Variants in STK32B observed in about 807,000 individuals in gnomAD.
STK32B encodes serine/threonine-protein kinase 32B.
Under a neutral mutation model 52.6 loss-of-function variants are expected in STK32B, and 43 were observed. That is an observed-to-expected ratio of 0.82 (90% CI 0.64 to 1.05). The LOEUF is 1.05. STK32B is among the 50% of genes least tolerant of loss of function. STK32B has a pLI of 0.00. For synonymous variants in STK32B, 238 were observed against 204.3 expected, an observed-to-expected ratio of 1.17 and a Z score of -1.41; for missense variants, 621 against 534.6, an observed-to-expected ratio of 1.16 and a Z score of -1.59.
At position 5,499,138 on chromosome 4, in the gene STK32B, A is replaced by T. The variant is rs940340511; in HGVS notation, c.*55A>T. The T allele has an allele frequency of 6.5e-7, 1 of 1,534,020 alleles. No homozygotes were observed. The stretch of plus-strand genomic sequence containing the variant: ...GCACTCGTCTCTGCCCTGCCCACCC[A>T]GAGCCCCTCTTTGTGCCCTGATGGT... On this transcript the variant is annotated 3_prime_UTR_variant, in exon 12 of 12. Coordinates refer to ENST00000282908, the MANE Select transcript of STK32B (RefSeq NM_018401.3).
At chr4:5,418,504 T>C (rs574750121) in intron 6 of STK32B, among the ~76,000 whole-genome samples, 3 of 152,384 alleles carry the variant, frequency 2.0e-5, no homozygotes, top group African/African-American at 4.8e-5. Flanking sequence ...TTTCTTCCAA[T>C]GGTTACTGCT....
intron 1 of STK32B, among the ~76,000 whole-genome samples, chr4:5,083,762 A>T (rs1397047874): frequency 6.7e-6 from 1 of 148,760 alleles, no homozygotes; most frequent in African/African-American, 2.5e-5. Flanking sequence ...TTTGAGACAG[A>T]GTCTCACTCT....
intron 3 of STK32B, among the ~76,000 whole-genome samples, chr4:5,232,809 C>T (rs9884126): frequency 0.013 from 1,996 of 152,262 alleles, 28 homozygotes; most frequent in East Asian, 0.075. Flanking sequence ...TGCCCTGTGC[C>T]CCACACCAAT....
intron 2 of STK32B, among the ~76,000 whole-genome samples, chr4:5,147,467 A>G (rs1717001356): frequency 1.3e-5 from 2 of 152,062 alleles, no homozygotes; most frequent in African/African-American, 4.8e-5. Context: ...AATATTGAGG[A>G]GAAGTGGTGG....
intron 3 of STK32B, among the ~76,000 whole-genome samples, chr4:5,302,296 A>C (rs1341708357): frequency 6.6e-6 from 1 of 151,560 alleles, no homozygotes; most frequent in East Asian, 1.9e-4. Context: ...TTCTGTGTGT[A>C]TGTTTTCAGA....
chr4:5,119,273 G>A (rs1178173709), intron 1 of STK32B, among the ~76,000 whole-genome samples: 1 of 152,174 alleles, frequency 6.6e-6, no homozygotes, highest in Non-Finnish European at 1.5e-5. Flanking sequence ...GCCTTGTCCT[G>A]TGTGTGAAAT....
chr4:5,324,799 C>T (rs1445042460), intron 3 of STK32B, among the ~76,000 whole-genome samples: 3 of 152,140 alleles, frequency 2.0e-5, no homozygotes, highest in African/African-American at 7.2e-5. Context: ...TGTGGGTGAA[C>T]GTGTGGAATT....
chr4:5,122,648 C>CTCAT (rs1165546910), intron 1 of STK32B, among the ~76,000 whole-genome samples: 1 of 152,096 alleles, frequency 6.6e-6, no homozygotes, highest in Non-Finnish European at 1.5e-5. Context: ...CACTCATTTA[C>CTCAT]TCATTCATTC....
chr4:5,414,033 A>G (rs970490353), intron 5 of STK32B, among the ~76,000 whole-genome samples: 13 of 152,348 alleles, frequency 8.5e-5, no homozygotes, highest in East Asian at 7.7e-4. Flanking sequence ...CACATATTCT[A>G]TAGTAACAAG....
At chr4:5,490,444 G>T (rs553860045) in intron 11 of STK32B, among the ~76,000 whole-genome samples, 4 of 152,056 alleles carry the variant, frequency 2.6e-5, no homozygotes, top group Non-Finnish European at 5.9e-5. Flanking sequence ...ACCAAATTTG[G>T]GGTAAGGCAG....
chr4:5,341,192 T>C (rs749010310), intron 4 of STK32B, among the ~76,000 whole-genome samples: 3 of 152,214 alleles, frequency 2.0e-5, no homozygotes, highest in Non-Finnish European at 4.4e-5. Context: ...AAGGCACTGT[T>C]ACCATGGTGT....
At position 5,371,630 on chromosome 4, in the gene STK32B, C is replaced by T. The variant is rs555173694; in HGVS notation, c.435-26577C>T. On this transcript the variant is annotated intron_variant, in intron 4 of 11. Coordinates refer to ENST00000282908, the MANE Select transcript of STK32B (RefSeq NM_018401.3). ...GCTGGAATCCAGCCCTGGCTGTGCT[C>T]TGCGTGCCAAGCAAACATTTGCCAA... Among the ~76,000 whole-genome samples, 383 of 152,298 alleles carry T rather than the reference C, an allele frequency of 2.5e-3. 4 individuals are homozygous for T. The highest frequency in any genetic ancestry group is 7.2e-4 in the Non-Finnish European group (49 of 68,036).
chr4:5,302,737 C>G (rs1255551136), intron 3 of STK32B, among the ~76,000 whole-genome samples: 1 of 152,122 alleles, frequency 6.6e-6, no homozygotes, highest in Non-Finnish European at 1.5e-5. Context: ...GATGTGTAGT[C>G]TTTTATTTCT....
At chr4:5,315,891 G>C (rs1433214650) in intron 3 of STK32B, among the ~76,000 whole-genome samples, 1 of 150,780 alleles carries the variant, frequency 6.6e-6, no homozygotes, top group African/African-American at 2.4e-5. Context: ...TTTTAGTAGA[G>C]ATGGGGTTTT....
intron 1 of STK32B, among the ~76,000 whole-genome samples, chr4:5,094,897 G>A (rs1713296778): frequency 6.6e-6 from 1 of 152,136 alleles, no homozygotes; most frequent in Non-Finnish European, 1.5e-5. Context: ...CAATCTTAGG[G>A]CAAGTATGGC....
intron 1 of STK32B, among the ~76,000 whole-genome samples, chr4:5,088,774 C>T (rs1184259172): frequency 6.6e-6 from 1 of 151,538 alleles, no homozygotes; most frequent in African/African-American, 2.4e-5. Context: ...TATAAAAAAC[C>T]TTTATGGTAT....
rs186453564 is a variant in STK32B, at chr4:5,367,251, C to T, written c.435-30956C>T. On this transcript the variant is annotated intron_variant, in intron 4 of 11. Transcript: ENST00000282908. The stretch of plus-strand genomic sequence containing the variant: ...GGTTAGCCTCATGGTTTGGAAATAC[C>T]ACAGGGCAGCTCCAGGATAGTTCTT... Among the ~76,000 whole-genome samples, 4 of 152,164 alleles carry T rather than the reference C, an allele frequency of 2.6e-5. No individual in the cohort carries two copies. The East Asian group carries it at 7.7e-4, about 29-fold the overall frequency.
chr4:5,142,560 G>A (rs964432564), intron 2 of STK32B, among the ~76,000 whole-genome samples: 2 of 152,194 alleles, frequency 1.3e-5, no homozygotes, highest in Admixed American at 1.3e-4. Context: ...ATGTTGTCAA[G>A]TGAATTGGGT....
At chr4:5,442,818 A>G (rs1714923827) in intron 6 of STK32B, among the ~76,000 whole-genome samples, 1 of 152,170 alleles carries the variant, frequency 6.6e-6, no homozygotes, top group African/African-American at 2.4e-5. Flanking sequence ...ACAATCTCTC[A>G]GCATTTGCTT....
Sources: allele counts gnomAD v4.1 joint callset (sites outside exome capture counted in the v4.1 genomes callset), GRCh38; gene constraint gnomAD v4.1.1; transcripts MANE v1.5; gene names NCBI Gene and HGNC (gene_info 2026-07-23, HGNC 2026-07-21).